UTY: variants seen among roughly 807,000 people sequenced by gnomAD.
The protein encoded by UTY is ubiquitously transcribed tetratricopeptide repeat containing, Y-linked.
UTY carries 12 observed loss-of-function variants against 32.5 expected under a neutral mutation model. The observed-to-expected ratio is 0.37, with a 90% confidence interval of 0.24 to 0.60. UTY has a LOEUF of 0.60. UTY is among the 20% of genes least tolerant of loss of function. The pLI is 0.69. For synonymous variants in UTY, 131 were observed against 103.4 expected (o/e 1.27, Z -1.62); for missense variants, 303 against 299.2 (o/e 1.01, Z -0.09).
rs780730201 is a variant in UTY at position 13,357,124 on chromosome Y, A to G, written c.1569+753T>C. Among the ~76,000 whole-genome samples, 6 of 33,147 alleles carry G rather than the reference A, an allele frequency of 1.8e-4. No individual in the cohort carries two copies. In the South Asian group the frequency reaches 4.0e-3, roughly 22 times the overall value. The allele number at this position is 33,147 out of a possible 37,273, so 88.9% of individuals were successfully genotyped here. On this transcript the variant is annotated intron_variant, in intron 15 of 29. Coordinates refer to ENST00000545955, the MANE Select transcript of UTY (RefSeq NM_001258249.2). ...AGATACATCTTTAACAAAAAAACTA[A>G]GATCCTAAAATATTTGTAAAAGTGT...
chrY:13,330,967 G>A (rs2060647547), intron 18 of UTY, among the ~76,000 whole-genome samples: 2 of 33,539 alleles, frequency 6.0e-5, no homozygotes, highest in Non-Finnish European at 1.5e-4. Context: ...ACTGGGTAGG[G>A]CATCTCTGAA....
At chrY:13,478,626 A>G in intron 2 of UTY, among the ~76,000 whole-genome samples, 1 of 32,682 alleles carries the variant, frequency 3.1e-5, no homozygotes, top group African/African-American at 1.2e-4. Flanking sequence ...CACAAACAAC[A>G]AATTCTTCCC....
At chrY:13,383,271 C>G in intron 8 of UTY, among the ~76,000 whole-genome samples, 1 of 25,149 alleles carries the variant, frequency 4.0e-5, no homozygotes, top group African/African-American at 1.6e-4. Context: ...GCCTGGGTGA[C>G]AGAGTGAGAC....
intron 6 of UTY, among the ~76,000 whole-genome samples, chrY:13,398,691 C>T: frequency 3.1e-5 from 1 of 32,558 alleles, no homozygotes; most frequent in Non-Finnish European, 7.5e-5. Context: ...AAATATGTTA[C>T]AAAAAGACCC....
chrY:13,469,863 A>G, intron 3 of UTY, among the ~76,000 whole-genome samples: 1 of 33,973 alleles, frequency 2.9e-5, no homozygotes, highest in Non-Finnish European at 7.3e-5. Flanking sequence ...CTTGATTTTC[A>G]CAAGGGCAAG....
At chrY:13,408,001 G>C in intron 6 of UTY, among the ~76,000 whole-genome samples, 1 of 32,480 alleles carries the variant, frequency 3.1e-5, no homozygotes, top group Admixed American at 2.8e-4. Flanking sequence ...TAACCCTCTT[G>C]GAGAACTAAA....
At chrY:13,274,786 AAAAT>A (rs1456354530) in intron 27 of UTY, among the ~76,000 whole-genome samples, 1 of 30,830 alleles carries the variant, frequency 3.2e-5, no homozygotes, top group Non-Finnish European at 7.8e-5. Context: ...CTGTCTCAAA[AAAAT>A]AAATAAATAA....
chrY:13,258,739 G>A (rs2055014437), intron 28 of UTY, among the ~76,000 whole-genome samples: 1 of 33,980 alleles, frequency 2.9e-5, no homozygotes. Flanking sequence ...CTTTTAATCT[G>A]TGTTGTTTGT....
chrY:13,327,956 G>A (rs1054670125), intron 18 of UTY, among the ~76,000 whole-genome samples: 17 of 33,785 alleles, frequency 5.0e-4, no homozygotes, highest in Non-Finnish European at 7.4e-5. Context: ...TGCAGGGTGC[G>A]GTGGCTCACG....
chrY:13,326,829 A>G, intron 18 of UTY, among the ~76,000 whole-genome samples: 1 of 33,694 alleles, frequency 3.0e-5, no homozygotes, highest in African/African-American at 1.2e-4. Flanking sequence ...AAATCCAGAA[A>G]GCTCATTAGT....
Position 13,355,958 on chromosome Y carries a change from C to G in UTY, c.1630G>C (p.Glu544Gln). Residue 544 changes from glutamate to glutamine, a missense_variant, in exon 16 of 30, where the codon GAA becomes CAA. Physicochemically the swap from Glu to Gln is conservative, Grantham distance 29. Transcript: ENST00000545955. ...AAGACAAACTGACTTTCTAACTGTTCCAGCTGATGCTTCTGTGCTGGATTT... is the reference window on the plus strand; with the variant it reads ...AAGACAAACTGACTTTCTAACTGTTGCAGCTGATGCTTCTGTGCTGGATTT... ...NLNPAQKHQL[E>Q]QLESQFVLMQ... 2.5e-6 allele frequency: 1 copy of G among 392,853 alleles called. No individual in the cohort carries two copies. Among genetic ancestry groups the G allele is most frequent in the Non-Finnish European group, 3.6e-6 (1 of 280,705 alleles).
intron 21 of UTY, among the ~76,000 whole-genome samples, chrY:13,311,264 T>C (rs756997065): frequency 6.4e-4 from 21 of 32,768 alleles, no homozygotes; most frequent in African/African-American, 2.5e-3. Context: ...AATAAAGCCA[T>C]AGACCTACAA....
At chrY:13,295,106 T>A (rs2057959133) in intron 27 of UTY, among the ~76,000 whole-genome samples, 1 of 30,814 alleles carries the variant, frequency 3.2e-5, no homozygotes, top group Non-Finnish European at 7.9e-5. Context: ...CACTGGGTAA[T>A]TTTTAAAGAA....
intron 9 of UTY, among the ~76,000 whole-genome samples, chrY:13,366,664 T>C (rs2064186719): frequency 2.9e-5 from 1 of 34,070 alleles, no homozygotes. Context: ...AATTCTCTTT[T>C]ATAAATTTAG....
chrY:13,415,793 C>T, intron 4 of UTY, among the ~76,000 whole-genome samples: 1 of 33,831 alleles, frequency 3.0e-5, no homozygotes, highest in East Asian at 7.7e-4. Context: ...GATTGCATTC[C>T]TGTCATTGAG....
At chrY:13,247,337 A>G, downstream of UTY, among the ~76,000 whole-genome samples, 5 of 33,400 alleles carry the variant, frequency 1.5e-4, no homozygotes, top group Non-Finnish European at 2.9e-4. Flanking sequence ...TGCCTATTTA[A>G]AGAGTGTAAG....
chrY:13,307,411 T>C, intron 21 of UTY, among the ~76,000 whole-genome samples: 1 of 31,749 alleles, frequency 3.1e-5, no homozygotes, highest in African/African-American at 1.2e-4. Flanking sequence ...CTCTATCTCA[T>C]AATGTACAGA....
intron 8 of UTY, among the ~76,000 whole-genome samples, chrY:13,391,750 T>C: frequency 8.9e-5 from 3 of 33,893 alleles, no homozygotes; most frequent in Admixed American, 8.1e-4. Flanking sequence ...CGGATGTCTT[T>C]ATTAGCAGCA....
intron 27 of UTY, among the ~76,000 whole-genome samples, chrY:13,261,129 G>C (rs2055233980): frequency 3.0e-5 from 1 of 33,257 alleles, no homozygotes; most frequent in African/African-American, 1.2e-4. Flanking sequence ...TCAAAGCAGA[G>C]GTGGTATAGG....
Sources: gnomAD v4.1 joint callset for allele counts (sites outside exome capture counted in the v4.1 genomes callset) on GRCh38, gnomAD v4.1.1 for gene constraint, MANE v1.5 for transcripts, NCBI Gene and HGNC (gene_info 2026-07-23, HGNC 2026-07-21) for gene names.